Variants in LRMDA observed in about 807,000 individuals in gnomAD.
LRMDA encodes the protein leucine rich melanocyte differentiation associated.
A neutral mutation model predicts 29.8 loss-of-function variants in LRMDA; 18 were observed. The observed-to-expected ratio is 0.60, with a 90% CI of 0.42 to 0.90. LRMDA has a LOEUF of 0.90. LRMDA is among the 40% of genes least tolerant of loss of function. The probability of loss-of-function intolerance (pLI) is 0.00; values close to 1 mark genes in which losing one functional copy is unlikely to be tolerated. For missense variants in LRMDA, 273 were observed against 273.9 expected (o/e 1.00, Z 0.02); for synonymous variants, 125 against 109.4 (o/e 1.14, Z -0.89).
chr10:76,276,006 A>AATCTATCTATATATCT (rs1840126709), intron 5 of LRMDA, among the ~76,000 whole-genome samples: 1 of 146,724 alleles, frequency 6.8e-6, no homozygotes, highest in Non-Finnish European at 1.5e-5. Context: ...CAATCTAGTG[A>AATCTATCTATATATCT]ATCTATCTAT....
At chr10:76,110,337 T>G (rs1849556756) in intron 5 of LRMDA, among the ~76,000 whole-genome samples, 1 of 152,248 alleles carries the variant, frequency 6.6e-6, no homozygotes, top group African/African-American at 2.4e-5. Flanking sequence ...TGGCTTTCAT[T>G]TTTAAAATTC....
intron 5 of LRMDA, among the ~76,000 whole-genome samples, chr10:76,190,366 C>T (rs893562146): frequency 6.6e-6 from 1 of 151,996 alleles, no homozygotes; most frequent in Non-Finnish European, 1.5e-5. Context: ...TTCTGGGGGT[C>T]TAGGGATTAA....
chr10:75,757,814 T>G (rs1033152171), intron 2 of LRMDA, among the ~76,000 whole-genome samples: 1 of 150,836 alleles, frequency 6.6e-6, no homozygotes, highest in Non-Finnish European at 1.5e-5. Flanking sequence ...TTTTTTTTTT[T>G]GTTAAGATGG....
intron 6 of LRMDA, among the ~76,000 whole-genome samples, chr10:76,475,989 A>T (rs902537190): frequency 6.6e-6 from 1 of 152,164 alleles, no homozygotes; most frequent in African/African-American, 2.4e-5. Flanking sequence ...AATTAAAAGA[A>T]GTAGAGAAGC....
chr10:76,425,567 A>C (rs961990524), intron 6 of LRMDA, among the ~76,000 whole-genome samples: 33 of 151,376 alleles, frequency 2.2e-4, no homozygotes, highest in African/African-American at 3.6e-4. Context: ...TAACTTACTA[A>C]TAATAATTAT....
intron 5 of LRMDA, among the ~76,000 whole-genome samples, chr10:76,089,823 G>T (rs1849200752): frequency 6.6e-6 from 1 of 152,108 alleles, no homozygotes; most frequent in Admixed American, 6.5e-5. Flanking sequence ...TATAAGTTTG[G>T]GGATATGAAA....
At chr10:76,295,628 C>A (rs945575057) in intron 5 of LRMDA, among the ~76,000 whole-genome samples, 2 of 152,206 alleles carry the variant, frequency 1.3e-5, no homozygotes, top group Admixed American at 6.5e-5. Flanking sequence ...CTGGCTGATT[C>A]TAGCTCTCCT....
chr10:75,471,116 G>A (rs1337487831), intron 2 of LRMDA, among the ~76,000 whole-genome samples: 1 of 152,178 alleles, frequency 6.6e-6, no homozygotes, highest in Non-Finnish European at 1.5e-5. Flanking sequence ...GTGTCTTCTA[G>A]GGACAGACGT....
chr10:75,885,170 C>T (rs1007279844), intron 2 of LRMDA, among the ~76,000 whole-genome samples: 2 of 152,194 alleles, frequency 1.3e-5, no homozygotes, highest in African/African-American at 4.8e-5. Context: ...TACCCAAGGC[C>T]TCTCAGGCAT....
chr10:76,250,680 C>G (rs1024253175), intron 5 of LRMDA, among the ~76,000 whole-genome samples: 1 of 152,062 alleles, frequency 6.6e-6, no homozygotes, highest in African/African-American at 2.4e-5. Flanking sequence ...TTGGTTTCCC[C>G]CTTAGATAAG....
At chr10:75,857,348 G>A (rs1430661533) in intron 2 of LRMDA, among the ~76,000 whole-genome samples, 4 of 152,200 alleles carry the variant, frequency 2.6e-5, no homozygotes, top group African/African-American at 7.2e-5. Flanking sequence ...AGCATCAGGT[G>A]TCACAAAAAG....
chr10:76,066,652 G>A (rs1848790671), intron 5 of LRMDA, among the ~76,000 whole-genome samples: 1 of 152,204 alleles, frequency 6.6e-6, no homozygotes, highest in South Asian at 2.1e-4. Flanking sequence ...TCAGGAGATA[G>A]AAGGCAGCCA....
intron 2 of LRMDA, among the ~76,000 whole-genome samples, chr10:75,983,947 G>T (rs148251474): frequency 6.6e-6 from 1 of 152,150 alleles, no homozygotes; most frequent in Non-Finnish European, 1.5e-5. Flanking sequence ...GAGTTACCAC[G>T]CCCGGCCCCC....
At chr10:76,263,056 TG>T (rs1186253972) in intron 5 of LRMDA, among the ~76,000 whole-genome samples, 58 of 152,356 alleles carry the variant, frequency 3.8e-4, no homozygotes, top group African/African-American at 1.4e-3. Flanking sequence ...TCTTTATAGT[TG>T]TTTATAATCT....
intron 2 of LRMDA, among the ~76,000 whole-genome samples, chr10:75,919,713 G>T (rs1452306382): frequency 3.3e-5 from 5 of 152,226 alleles, no homozygotes; most frequent in African/African-American, 1.2e-4. Flanking sequence ...TGTATCTAAG[G>T]TTAAGAGAAT....
intron 5 of LRMDA, among the ~76,000 whole-genome samples, chr10:76,249,573 C>G (rs1296569554): frequency 6.6e-6 from 1 of 152,182 alleles, no homozygotes; most frequent in Non-Finnish European, 1.5e-5. Flanking sequence ...AAAACTGTGT[C>G]TCACATTCAA....
At chr10:75,723,962 C>T (rs1355782256) in intron 2 of LRMDA, among the ~76,000 whole-genome samples, 5 of 152,122 alleles carry the variant, frequency 3.3e-5, no homozygotes, top group Non-Finnish European at 4.4e-5. Context: ...TGTTTTTTAA[C>T]CTTGAGTATC....
chr10:76,144,405 C>T, intron 5 of LRMDA, among the ~76,000 whole-genome samples: 1 of 152,094 alleles, frequency 6.6e-6, no homozygotes, highest in Non-Finnish European at 1.5e-5. Flanking sequence ...AGAGGTCCTT[C>T]ACATCCCTTG....
At chr10:76,050,446 TG>T (rs1305797019) in intron 4 of LRMDA, among the ~76,000 whole-genome samples, 1 of 152,220 alleles carries the variant, frequency 6.6e-6, no homozygotes, top group African/African-American at 2.4e-5. Flanking sequence ...CTGGCCCCAC[TG>T]GGGCAGGAGC....
Sources: allele counts gnomAD v4.1 joint callset (sites outside exome capture counted in the v4.1 genomes callset), GRCh38; gene constraint gnomAD v4.1.1; transcripts MANE v1.5; gene names NCBI Gene and HGNC (gene_info 2026-07-23, HGNC 2026-07-21).